The following IGF1R variants were observed in gnomAD, a reference collection of about 807,000 sequenced individuals.
IGF1R encodes the protein insulin like growth factor 1 receptor.
IGF1R carries 44 observed loss-of-function variants against 144.6 expected under a neutral mutation model. The observed-to-expected ratio is 0.30, with a 90% CI of 0.24 to 0.39. IGF1R has a LOEUF of 0.39. Ranked by LOEUF, IGF1R falls within the 10% of genes least tolerant of loss-of-function variation. The pLI is 1.00. For missense variants in IGF1R, 1,355 were observed against 1,833.7 expected (o/e 0.74, Z 4.77); for synonymous variants, 795 against 722.8 (o/e 1.10, Z -1.60).
rs771538996 is a variant in IGF1R at position 98,891,469 on chromosome 15, C to G, written c.785C>G (p.Pro262Arg). Residue 262 changes from proline (P) to arginine (R), a missense_variant, in exon 3 of 21, where the codon CCT becomes CGT. Physicochemically the swap from Pro to Arg is moderately radical, Grantham distance 103. Transcript: ENST00000650285. The surrounding 1 kb of genome is among the most constrained non-coding windows in gnomAD (Gnocchi z 4.7). ...TACTACTATGCCGGTGTCTGTGTGC[C>G]TGCCTGCCCGCCCAACACCTACAGG... ...RHYYYAGVCV[P>R]ACPPNTYRFE... The G allele has an allele frequency of 8.1e-6, 13 of 1,614,128 alleles. No individual in the cohort carries two copies. Among genetic ancestry groups the G allele is most frequent in the Non-Finnish European group, 1.0e-5 (12 of 1,180,028 alleles).
chr15:98,835,130 C>T (rs2057075526), intron 2 of IGF1R, among the ~76,000 whole-genome samples: 1 of 147,780 alleles, frequency 6.8e-6, no homozygotes, highest in African/African-American at 2.6e-5. Flanking sequence ...CACACACACC[C>T]ACCCCTACAC....
chr15:98,892,511 A>T (rs4966037), intron 3 of IGF1R, among the ~76,000 whole-genome samples: 1 of 134,142 alleles, frequency 7.5e-6, no homozygotes, highest in Non-Finnish European at 1.5e-5. Flanking sequence ...TGGGAGACAG[A>T]GTCTCACTCT....
At chr15:98,944,842 C>T (rs2016492044) in intron 19 of IGF1R, among the ~76,000 whole-genome samples, 1 of 152,240 alleles carries the variant, frequency 6.6e-6, no homozygotes. Flanking sequence ...TTTAGACATC[C>T]TTGCTCTTAG....
chr15:98,680,261 G>T (rs1162094684), intron 1 of IGF1R, among the ~76,000 whole-genome samples: 1 of 145,018 alleles, frequency 6.9e-6, no homozygotes, highest in Admixed American at 6.9e-5. Context: ...TCCCATATAC[G>T]TATGTATACT....
intron 2 of IGF1R, among the ~76,000 whole-genome samples, chr15:98,734,016 T>A (rs899548261): frequency 1.3e-5 from 2 of 152,086 alleles, no homozygotes; most frequent in African/African-American, 2.4e-5. Context: ...ATAGGTAACA[T>A]TAGCCTGCCT....
chr15:98,858,026 A>T (rs1380865014), intron 2 of IGF1R, among the ~76,000 whole-genome samples: 1 of 152,354 alleles, frequency 6.6e-6, no homozygotes, highest in South Asian at 2.1e-4. Flanking sequence ...TAAGAACTAT[A>T]AGACAAGCAA....
At chr15:98,661,469 A>T (rs56854280) in intron 1 of IGF1R, among the ~76,000 whole-genome samples, 1 of 152,206 alleles carries the variant, frequency 6.6e-6, no homozygotes, top group African/African-American at 2.4e-5. Flanking sequence ...AAATGTAAAC[A>T]TAATCATTTG....
At chr15:98,885,071 C>A (rs905503533) in intron 2 of IGF1R, among the ~76,000 whole-genome samples, 5 of 152,174 alleles carry the variant, frequency 3.3e-5, no homozygotes, top group African/African-American at 1.2e-4. Context: ...AGCTCCTACT[C>A]ACTTGTCCAG....
intron 13 of IGF1R, among the ~76,000 whole-genome samples, chr15:98,929,004 T>C (rs1415537399): frequency 6.6e-6 from 1 of 152,186 alleles, no homozygotes; most frequent in African/African-American, 2.4e-5. Context: ...AGACTGTACA[T>C]AGATGTAAGA....
intron 1 of IGF1R, among the ~76,000 whole-genome samples, chr15:98,681,410 A>G (rs1022557785): frequency 5.3e-5 from 8 of 152,172 alleles, no homozygotes; most frequent in African/African-American, 1.4e-4. Context: ...GTCTCGTGCA[A>G]TGGGTGCAGG....
chr15:98,752,793 T>C (rs2055046343), intron 2 of IGF1R, among the ~76,000 whole-genome samples: 2 of 152,354 alleles, frequency 1.3e-5, no homozygotes, highest in Admixed American at 1.3e-4. Flanking sequence ...ACTTTGTTAT[T>C]ATAAGTGATA....
chr15:98,668,995 A>G (rs1372232431), intron 1 of IGF1R, among the ~76,000 whole-genome samples: 1 of 152,216 alleles, frequency 6.6e-6, no homozygotes, highest in Non-Finnish European at 1.5e-5. Context: ...CATACTTACT[A>G]TTTTAAATCT....
intron 2 of IGF1R, among the ~76,000 whole-genome samples, chr15:98,755,746 AAAAAAAAG>A: frequency 3.3e-5 from 4 of 120,790 alleles, no homozygotes; most frequent in African/African-American, 1.8e-4. Flanking sequence ...AAAAAAAAAA[AAAAAAAAG>A]GCATTACTGC....
In IGF1R at chr15:98,719,567, C is replaced by T. The variant is rs1209780797; in HGVS notation, c.640+11460C>T. On this transcript the variant is annotated intron_variant, in intron 2 of 20. Coordinates refer to ENST00000650285, the MANE Select transcript of IGF1R (RefSeq NM_000875.5). ...TAGCAAAGCTGTTTCTGTTGATAGG[C>T]GATTAACAAAACAGCCAAACTTGAC... 2.0e-5 allele frequency among the ~76,000 whole-genome samples: 3 copies of T among 152,236 alleles called. No homozygotes were observed. In the East Asian group the frequency reaches 5.8e-4, roughly 29 times the overall value.
At chr15:98,816,754 C>A (rs1234371954) in intron 2 of IGF1R, among the ~76,000 whole-genome samples, 1 of 152,128 alleles carries the variant, frequency 6.6e-6, no homozygotes, top group Non-Finnish European at 1.5e-5. Flanking sequence ...CCATGTGGTC[C>A]CCAGAGGAAT....
intron 10 of IGF1R, among the ~76,000 whole-genome samples, chr15:98,920,670 C>T (rs998479396): frequency 6.6e-6 from 1 of 152,186 alleles, no homozygotes; most frequent in Non-Finnish European, 1.5e-5. Flanking sequence ...GCCTCATGTC[C>T]TTACCCTTCC....
chr15:98,675,970 C>T (rs147167853), intron 1 of IGF1R, among the ~76,000 whole-genome samples: 1,585 of 151,710 alleles, frequency 0.01, 24 homozygotes, highest in African/African-American at 0.036. Flanking sequence ...GGATTACAGG[C>T]GTGCGCCACC....
intron 2 of IGF1R, among the ~76,000 whole-genome samples, chr15:98,792,050 A>C (rs1567131346): frequency 6.6e-6 from 1 of 152,178 alleles, no homozygotes; most frequent in African/African-American, 2.4e-5. Context: ...TAGTTAAGAG[A>C]AAAATCTTTT....
chr15:98,867,154 G>GGAGAGAGAGAGAGA (rs60863950), intron 2 of IGF1R, among the ~76,000 whole-genome samples: 5 of 146,142 alleles, frequency 3.4e-5, no homozygotes, highest in African/African-American at 1.0e-4. Context: ...AGAGAAAGGG[G>GGAGAGAGAGAGAGA]GAGAGAGAGA....
Sources: gnomAD v4.1 joint callset for allele counts (sites outside exome capture counted in the v4.1 genomes callset) on GRCh38, gnomAD v4.1.1 for gene constraint, Gnocchi (gnomAD v3.1) non-coding constraint, MANE v1.5 for transcripts, NCBI Gene and HGNC (gene_info 2026-07-23, HGNC 2026-07-21) for gene names.